The following ADGRV1 variants were observed in gnomAD, a reference collection of about 807,000 sequenced individuals.
ADGRV1 encodes the protein G-protein coupled receptor 98.
Under a neutral mutation model 596.2 loss-of-function variants are expected in ADGRV1, and 359 were observed. That is an observed-to-expected ratio of 0.60 (90% CI 0.55 to 0.66). The LOEUF (loss-of-function observed/expected upper bound fraction) is 0.66, where lower values mean the gene tolerates loss of function less well. Ranked by LOEUF, ADGRV1 falls within the 30% of genes least tolerant of loss-of-function variation. The pLI is 0.00. For synonymous variants in ADGRV1, 2,681 were observed against 2,679.2 expected (o/e 1.00, Z -0.02); for missense variants, 7,274 against 7,575.6 (o/e 0.96, Z 1.48).
chr5:90,812,859 C>T (rs182103126), intron 74 of ADGRV1, among the ~76,000 whole-genome samples: 9 of 151,966 alleles, frequency 5.9e-5, no homozygotes, highest in South Asian at 2.1e-4. Flanking sequence ...TAGCTGGGCA[C>T]GGTGGCTCAC....
intron 83 of ADGRV1, among the ~76,000 whole-genome samples, chr5:90,926,625 C>T (rs907091356): frequency 6.6e-6 from 1 of 151,816 alleles, no homozygotes; most frequent in East Asian, 1.9e-4. Context: ...TTTTGTGTCT[C>T]TGTTTCCTTC....
intron 85 of ADGRV1, among the ~76,000 whole-genome samples, chr5:91,006,285 T>C (rs1782270143): frequency 6.6e-6 from 1 of 152,152 alleles, no homozygotes; most frequent in South Asian, 2.1e-4. Flanking sequence ...GAGACTGACA[T>C]GTCTGTGATT....
intron 85 of ADGRV1, among the ~76,000 whole-genome samples, chr5:90,992,516 T>C (rs1356467766): frequency 1.3e-5 from 2 of 152,218 alleles, no homozygotes; most frequent in African/African-American, 2.4e-5. Context: ...TTTATCAAGC[T>C]TTTCATCCAA....
chr5:90,961,127 C>T (rs1777968796), intron 83 of ADGRV1, among the ~76,000 whole-genome samples: 1 of 152,026 alleles, frequency 6.6e-6, no homozygotes, highest in South Asian at 2.1e-4. Context: ...ACAAAATGCT[C>T]CCACTTTAAA....
At chr5:90,716,849 G>T (rs1007425445) in intron 43 of ADGRV1, 120 bp downstream of exon 43, 2 of 694,468 alleles carry the variant, frequency 2.9e-6, no homozygotes, top group Non-Finnish European at 4.7e-6. Context: ...TTAGGTGTTA[G>T]ACAAAGACAT....
At chr5:90,792,356 G>A (rs566217862) in intron 70 of ADGRV1, 10 of 152,192 alleles carry the variant, frequency 6.6e-5, no homozygotes, top group Middle Eastern at 3.4e-3. Flanking sequence ...TATCATTTCC[G>A]GATAAGCAAC....
chr5:91,048,861 A>T (rs1329762463), intron 85 of ADGRV1, among the ~76,000 whole-genome samples: 1 of 152,226 alleles, frequency 6.6e-6, no homozygotes, highest in East Asian at 1.9e-4. Flanking sequence ...GTCGCAAAAA[A>T]GATACAGCTT....
intron 83 of ADGRV1, among the ~76,000 whole-genome samples, chr5:90,872,602 A>C (rs1221441144): frequency 6.6e-6 from 1 of 152,216 alleles, no homozygotes; most frequent in Non-Finnish European, 1.5e-5. Flanking sequence ...GGACGATGAT[A>C]AACACTTGAT....
intron 30 of ADGRV1, 94 bp from the exon 31 acceptor site, chr5:90,690,703 G>T: frequency 8.0e-7 from 1 of 1,255,512 alleles, no homozygotes; most frequent in South Asian, 1.4e-5. Flanking sequence ...ATTGCTTAGG[G>T]GGGAAGAGAA....
intron 1 of ADGRV1, among the ~76,000 whole-genome samples, chr5:90,559,940 C>T (rs1251764981): frequency 6.6e-6 from 1 of 152,062 alleles, no homozygotes; most frequent in Non-Finnish European, 1.5e-5. Context: ...AGGCAGGATA[C>T]AAATGAGCAC....
chr5:90,773,954 A>C, intron 59 of ADGRV1, among the ~76,000 whole-genome samples: 1 of 152,156 alleles, frequency 6.6e-6, no homozygotes, highest in East Asian at 1.9e-4. Context: ...TTTTTCAGTA[A>C]ATTTAGGGGT....
intron 59 of ADGRV1, among the ~76,000 whole-genome samples, chr5:90,769,246 C>G (rs1757444349): frequency 6.6e-6 from 1 of 152,118 alleles, no homozygotes; most frequent in South Asian, 2.1e-4. Context: ...CTCTCTTTCC[C>G]TTGGTCTTTT....
intron 78 of ADGRV1, among the ~76,000 whole-genome samples, chr5:90,845,375 C>CT (rs1291544505): frequency 6.6e-6 from 1 of 151,906 alleles, no homozygotes; most frequent in Non-Finnish European, 1.5e-5. Flanking sequence ...TAGAAATGGC[C>CT]TTTTTGTTTC....
chr5:91,100,679 TAC>T (rs1220409383), intron 86 of ADGRV1, among the ~76,000 whole-genome samples: 1 of 152,200 alleles, frequency 6.6e-6, no homozygotes, highest in Non-Finnish European at 1.5e-5. Flanking sequence ...ACTTCTTAAT[TAC>T]ACAGGGGAAA....
chr5:91,089,172 C>T (rs942731813), intron 86 of ADGRV1, among the ~76,000 whole-genome samples: 3 of 152,052 alleles, frequency 2.0e-5, no homozygotes, highest in African/African-American at 7.2e-5. Flanking sequence ...TGTGGTCAGT[C>T]GTTGTTGTAC....
At chr5:90,831,226 T>C (rs948524416) in intron 77 of ADGRV1, among the ~76,000 whole-genome samples, 1 of 151,168 alleles carries the variant, frequency 6.6e-6, no homozygotes, top group Non-Finnish European at 1.5e-5. Flanking sequence ...AATCTCTCTC[T>C]CTCTCTCTCT....
At chr5:90,857,442 T>C (rs1361209106) in intron 82 of ADGRV1, among the ~76,000 whole-genome samples, 1 of 152,116 alleles carries the variant, frequency 6.6e-6, no homozygotes, top group Non-Finnish European at 1.5e-5. Context: ...CCTGATTTTA[T>C]AGAAAACTAG....
chr5:91,060,373 T>TGC (rs1162869366), intron 85 of ADGRV1, among the ~76,000 whole-genome samples: 3 of 62,686 alleles, frequency 4.8e-5, no homozygotes, highest in Admixed American at 3.0e-4. Context: ...TTTATATGTG[T>TGC]GTGTGTATAT....
chr5:90,821,297 T>G (rs1763476020), intron 75 of ADGRV1, among the ~76,000 whole-genome samples: 1 of 151,318 alleles, frequency 6.6e-6, no homozygotes, highest in Non-Finnish European at 1.5e-5. Context: ...CTGTATTGGT[T>G]ATTCTAGTTG....
Sources: allele counts gnomAD v4.1 joint callset (sites outside exome capture counted in the v4.1 genomes callset), GRCh38; gene constraint gnomAD v4.1.1; transcripts MANE v1.5; gene names NCBI Gene and HGNC (gene_info 2026-07-23, HGNC 2026-07-21).